APOBR: variants seen among roughly 807,000 people sequenced by gnomAD.
APOBR encodes apoB-48R.
In APOBR, 57 loss-of-function variants were observed where a neutral mutation model predicts 88.5. That is an observed-to-expected ratio of 0.64 (90% CI 0.52 to 0.80). APOBR has a LOEUF of 0.80. Ranked by LOEUF, APOBR falls within the 30% of genes least tolerant of loss-of-function variation. APOBR has a pLI of 0.00. For missense variants in APOBR, 1,443 were observed against 1,401.6 expected (o/e 1.03, Z -0.47); for synonymous variants, 588 against 572.7 (o/e 1.03, Z -0.38).
Position 28,498,530 on chromosome 16 carries a change from A to G in APOBR, c.*25A>G, listed in dbSNP as rs777755203. On this transcript the variant is annotated 3_prime_UTR_variant, in exon 4 of 4. Transcript: ENST00000564831. ...ACTGAGACCCGGTGCTCTGGGAGCC[A>G]GGCCCTGAGTGGGTGCCAGAAGGCT... 5 of 1,569,338 alleles carry G rather than the reference A, an allele frequency of 3.2e-6. No individual in the cohort carries two copies. The highest frequency in any genetic ancestry group is 4.3e-6 in the Non-Finnish European group (5 of 1,158,262).
chr16:28,496,235 G>A lies in APOBR; in HGVS notation c.1194G>A (p.Arg398=). Residue 398 remains arginine (R), a synonymous_variant, in exon 2 of 4, where the codon AGG becomes AGA. Coordinates refer to ENST00000564831, the MANE Select transcript of APOBR (RefSeq NM_018690.4). ...QTEYGAVPGE[R]LLEATGKVWV... ...AATATGGAGCAGTCCCAGGAGAAAGGCTCCTAGAGGCTACTGGAAAAGTCT... is the reference window on the plus strand; with the variant it reads ...AATATGGAGCAGTCCCAGGAGAAAGACTCCTAGAGGCTACTGGAAAAGTCT... 6.2e-7 allele frequency: 1 copy of A among 1,602,210 alleles called. No individual in the cohort carries two copies. Among genetic ancestry groups the A allele is most frequent in the South Asian group, 1.1e-5 (1 of 89,314 alleles).
chr16:28,497,966 C>G lies in APOBR; in HGVS notation c.2925C>G (p.Ala975=), dbSNP rs1190049322. 6.2e-7 allele frequency: 1 copy of G among 1,606,832 alleles called. No homozygotes were observed. Among genetic ancestry groups the G allele is most frequent in the Admixed American group, 1.7e-5 (1 of 59,274 alleles). Residue 975 remains alanine (A), a synonymous_variant, in exon 2 of 4, where the codon GCC becomes GCG. Transcript: ENST00000564831. ...AGACGGCTGAGGCCATGGGCAGTGC[C>G]AGAGGAGGTGCTGCCAACAGCTGGA... is the stretch of plus-strand genomic sequence containing the variant. ...EAETAEAMGS[A]RGGAANSWSE... is the part of the protein sequence containing the mutation.
Position 28,496,040 on chromosome 16 carries a change from A to C in APOBR, c.999A>C (p.Gly333=), listed in dbSNP as rs62034288. The change falls in exon 2 of 4, where the codon GGA becomes GGC. Residue 333 remains glycine, a synonymous_variant. Transcript: ENST00000564831. ...SGGEEAGTAS[G]GEEAGIASGG... is the part of the protein sequence containing the mutation. ...GGGAGGAGGCCGGGACAGCCTCGGG[A>C]GGGGAGGAGGCCGGGATAGCCTCAG... 3.5e-5 allele frequency: 52 copies of C among 1,469,336 alleles called. 1 individual carries two copies. In the African/African-American group the frequency reaches 5.9e-4, roughly 17 times the overall value. The allele number at this position is 1,469,336 out of a possible 1,614,324, so 91.0% of individuals were successfully genotyped here.
In APOBR at chr16:28,496,345, G is replaced by A. The variant is rs2046392881; in HGVS notation, c.1304G>A (p.Arg435Lys). 1 of 1,590,886 alleles carries A rather than the reference G, an allele frequency of 6.3e-7. No homozygotes were observed. The highest frequency in any genetic ancestry group is 1.3e-5 in the African/African-American group (1 of 74,256). Reference protein sequence around the residue: ...PKQPQVLGTERTEEAAESQTA... With the variant: ...PKQPQVLGTEKTEEAAESQTA... ...CAGCCCCAGGTCCTGGGCACTGAAA[G>A]AACAGAAGAGGCTGCTGAGAGCCAG... Residue 435 changes from arginine to lysine, a missense_variant, in exon 2 of 4, where the codon AGA becomes AAA. Arg to Lys is a conservative substitution (Grantham distance 26). Transcript: ENST00000564831.
In APOBR at chr16:28,498,645, T is replaced by G. The variant is rs553609143; in HGVS notation, c.*140T>G. ...CCTCAGTGTCTTGATGTATCATTCA[T>G]GGAGCAGGCAAAACCAGACGTCTGG... On this transcript the variant is annotated 3_prime_UTR_variant, in exon 4 of 4. Transcript: ENST00000564831. 8.0e-6 allele frequency: 8 copies of G among 999,036 alleles called. No homozygotes were observed. Among genetic ancestry groups the G allele is most frequent in the Non-Finnish European group, 8.6e-6 (6 of 694,220 alleles). 61.9% of individuals were successfully genotyped at this position (999,036 alleles called of 1,614,324 possible).
In APOBR at chr16:28,496,442, T is replaced by C; in HGVS notation, c.1401T>C (p.Gly467=). Reference sequence around the variant, plus strand: ...TTGAGGGCCAGGTAGACCTGCGTGGTAAGGAGGCTGAGATGAGGCAGGACT... The same window carrying C: ...TTGAGGGCCAGGTAGACCTGCGTGGCAAGGAGGCTGAGATGAGGCAGGACT... ...ESFEGQVDLR[G]KEAEMRQDLG... Residue 467 remains glycine (G), a synonymous_variant, in exon 2 of 4, where the codon GGT becomes GGC. Coordinates refer to ENST00000564831, the MANE Select transcript of APOBR (RefSeq NM_018690.4). 6.2e-7 allele frequency: 1 copy of C among 1,610,784 alleles called. No homozygotes were observed. Among genetic ancestry groups the C allele is most frequent in the South Asian group, 1.1e-5 (1 of 90,716 alleles).
Position 28,495,117 on chromosome 16 carries a change from G to T in APOBR, c.76G>T (p.Val26Phe). The T allele has an allele frequency of 6.5e-7, 1 of 1,529,256 alleles. No individual in the cohort carries two copies. The allele number at this position is 1,529,256 out of a possible 1,614,324, so 94.7% of individuals were successfully genotyped here. ...RGALDSLGTF[V>F]SYLLGDAVPT... ...TTCCTAGGATTCCCTCGGCACCTTTGTCTCCTACCTCCTGGGAGATGCAGT... is the reference window on the plus strand; with the variant it reads ...TTCCTAGGATTCCCTCGGCACCTTTTTCTCCTACCTCCTGGGAGATGCAGT... Residue 26 changes from valine (V) to phenylalanine (F), a missense_variant, in exon 2 of 4, where the codon GTC becomes TTC. Physicochemically the swap from Val to Phe is conservative, Grantham distance 50 (BLOSUM62 -1). Transcript: ENST00000564831.
chr16:28,495,328 C>A lies in APOBR; in HGVS notation c.287C>A (p.Ala96Asp). The change falls in exon 2 of 4, where the codon GCT becomes GAT. Residue 96 changes from alanine (A) to aspartate (D), a missense_variant. By Grantham distance (126) the Ala-to-Asp change is moderately radical. Coordinates refer to ENST00000564831, the MANE Select transcript of APOBR (RefSeq NM_018690.4). ...DDRRHEVGSS[A>D]VEQTWGWGDG... ...AGAAGACATGAAGTGGGGAGCTCAGCTGTAGAACAGACCTGGGGCTGGGGA... is the reference window on the plus strand; with the variant it reads ...AGAAGACATGAAGTGGGGAGCTCAGATGTAGAACAGACCTGGGGCTGGGGA... 6.4e-7 allele frequency: 1 copy of A among 1,552,606 alleles called. No individual in the cohort carries two copies. The highest frequency in any genetic ancestry group is 8.7e-7 in the Non-Finnish European group (1 of 1,149,496).
chr16:28,497,705 T>C lies in APOBR; in HGVS notation c.2664T>C (p.Ala888=), dbSNP rs1030128018. Residue 888 remains alanine (A), a synonymous_variant, in exon 2 of 4, where the codon GCT becomes GCC. Transcript: ENST00000564831. ...AGTGGACGCTGTTGGAAGAAGAGGC[T>C]GTTGGATGGCAGGAGAGAGAACAGA... ...LEKWTLLEEE[A]VGWQEREQRE... The C allele has an allele frequency of 4.4e-6, 7 of 1,604,014 alleles. No homozygotes were observed. Among genetic ancestry groups the C allele is most frequent in the Non-Finnish European group, 5.1e-6 (6 of 1,175,598 alleles).
At position 28,495,286 on chromosome 16, in the gene APOBR, G is replaced by T; in HGVS notation, c.245G>T (p.Arg82Ile). 4 of 1,530,858 alleles carry T rather than the reference G, an allele frequency of 2.6e-6. No individual in the cohort carries two copies. The highest frequency in any genetic ancestry group is 3.5e-6 in the Non-Finnish European group (4 of 1,139,530). 94.8% of individuals were successfully genotyped at this position (1,530,858 alleles called of 1,614,324 possible). ...CAAAACGAGGGGGCTGGAAGGCTGA[G>T]AGGGCCTGGAGATGACAGAAGACAT... ...GSQNEGAGRL[R>I]GPGDDRRHEV... The change falls in exon 2 of 4, where the codon AGA becomes ATA. Residue 82 changes from arginine to isoleucine, a missense_variant. Physicochemically the swap from Arg to Ile is moderately conservative, Grantham distance 97. Transcript: ENST00000564831.
rs1204869189 is a variant in APOBR at position 28,497,001 on chromosome 16, G to A, written c.1960G>A (p.Gly654Arg). 9 of 1,571,128 alleles carry A rather than the reference G, an allele frequency of 5.7e-6. No individual in the cohort carries two copies. The highest frequency in any genetic ancestry group is 2.7e-5 in the African/African-American group (2 of 73,936). Residue 654 changes from glycine (G) to arginine (R), a missense_variant, in exon 2 of 4, where the codon GGA (glycine) becomes AGA (arginine). Gly to Arg is a moderately radical substitution (Grantham distance 125). Coordinates refer to ENST00000564831, the MANE Select transcript of APOBR (RefSeq NM_018690.4). Reference sequence around the variant, plus strand: ...GCAGCGGGAGGAGGAGGAGACTGCGGGAGGCCAGACCCTGGCGGCTGAGGC... The same window carrying A: ...GCAGCGGGAGGAGGAGGAGACTGCGAGAGGCCAGACCCTGGCGGCTGAGGC... Reference protein sequence around the residue: ...GEQREEEETAGGQTLAAEAEG... With the variant: ...GEQREEEETARGQTLAAEAEG...
In APOBR at chr16:28,497,796, G is replaced by GCAGA. The variant is rs2046405273; in HGVS notation, c.2756_2759dup (p.Glu920AspfsTer18). 1 of 1,605,356 alleles carries GCAGA rather than the reference G, an allele frequency of 6.2e-7. No homozygotes were observed. The highest frequency in any genetic ancestry group is 1.1e-5 in the South Asian group (1 of 89,820). Reference sequence around the variant, plus strand: ...GGGAGAGGCACCAAGGCTCCTTGATGCAGAGGGTCTCATGGTGACCGGGGG... The same window carrying GCAGA: ...GGGAGAGGCACCAAGGCTCCTTGATGCAGACAGAGGGTCTCATGGTGACCGGGGG... On this transcript the variant is annotated frameshift_variant, in exon 2 of 4. Coordinates refer to ENST00000564831, the MANE Select transcript of APOBR (RefSeq NM_018690.4). LOFTEE classifies it high-confidence loss of function.
rs2046375505 is a variant in APOBR, at chr16:28,494,652, T to A, written c.-30T>A. ...GTGGGTGGGGACGGTCATTATCAGCTTTCTGGACACACAGACAGAGACAGA... is the reference window on the plus strand; with the variant it reads ...GTGGGTGGGGACGGTCATTATCAGCATTCTGGACACACAGACAGAGACAGA... On this transcript the variant is annotated 5_prime_UTR_variant, in exon 1 of 4. Coordinates refer to ENST00000564831, the MANE Select transcript of APOBR (RefSeq NM_018690.4). 1.2e-6 allele frequency: 2 copies of A among 1,602,544 alleles called. No individual in the cohort carries two copies. The highest frequency in any genetic ancestry group is 4.5e-5 in the East Asian group (2 of 44,614).
Position 28,497,817 on chromosome 16 carries a change from G to C in APOBR, c.2776G>C (p.Gly926Arg). ...TGATGCAGAGGGTCTCATGGTGACC[G>C]GGGGCCGGAGGGCAGAGGCCAAGGA... Reference protein sequence around the residue: ...LLDAEGLMVTGGRRAEAKETE... With the variant: ...LLDAEGLMVTRGRRAEAKETE... The change falls in exon 2 of 4, where the codon GGG becomes CGG. Residue 926 changes from glycine (G) to arginine (R), a missense_variant. Gly to Arg is a moderately radical substitution (Grantham distance 125, BLOSUM62 -2). Transcript: ENST00000564831. 6.2e-7 allele frequency: 1 copy of C among 1,606,380 alleles called. No homozygotes were observed. Among genetic ancestry groups the C allele is most frequent in the East Asian group, 2.2e-5 (1 of 44,584 alleles).
chr16:28,495,249 CT>C lies in APOBR; in HGVS notation c.210del (p.Arg71GlufsTer11). On this transcript the variant is annotated frameshift_variant, in exon 2 of 4. Coordinates refer to ENST00000564831, the MANE Select transcript of APOBR (RefSeq NM_018690.4). LOFTEE classifies it high-confidence loss of function. ...GGAAGCCCAGGAGGACCTGGAGGGC[CT>C]TAGAGGCAGCCAAAACGAGGGGGCT... Reference protein sequence around the residue: ...EEEAQEDLEGLRGSQNEGAGR... With the variant: ...EEEAQEDLEGXRGSQNEGAGR... 1 of 1,533,294 alleles carries C rather than the reference CT, an allele frequency of 6.5e-7. No homozygotes were observed. 95.0% of individuals were successfully genotyped at this position (1,533,294 alleles called of 1,614,324 possible).
Position 28,498,636 on chromosome 16 carries a change from T to TTC in APOBR, c.*131_*132insTC. 1 of 1,078,408 alleles carries TTC rather than the reference T, an allele frequency of 9.3e-7. No individual in the cohort carries two copies. The highest frequency in any genetic ancestry group is 2.6e-5 in the East Asian group (1 of 38,198). The allele number at this position is 1,078,408 out of a possible 1,614,324, so 66.8% of individuals were successfully genotyped here. A position where few individuals can be genotyped will look rare whatever the true frequency, so the allele number is the denominator to read the frequency against. On this transcript the variant is annotated 3_prime_UTR_variant, in exon 4 of 4. Transcript: ENST00000564831. Reference sequence around the variant, plus strand: ...CCCTCTGGGCCTCAGTGTCTTGATGTATCATTCATGGAGCAGGCAAAACCA... The same window carrying TTC: ...CCCTCTGGGCCTCAGTGTCTTGATGTTCATCATTCATGGAGCAGGCAAAACCA...
Position 28,497,517 on chromosome 16 carries a change from G to C in APOBR, c.2476G>C (p.Val826Leu). The change falls in exon 2 of 4, where the codon GTA becomes CTA. Residue 826 changes from valine (V) to leucine (L), a missense_variant. By Grantham distance (32) the Val-to-Leu change is conservative. Transcript: ENST00000564831. The stretch of plus-strand genomic sequence containing the variant: ...AGAGGTGACTGGCAGAGGCAGCCAA[G>C]TAGAGGCTTTTGAGTCCAGGGAGGG... ...EEEVTGRGSQ[V>L]EAFESREGGP... is the part of the protein sequence containing the mutation. 6.2e-7 allele frequency: 1 copy of C among 1,612,350 alleles called. No homozygotes were observed. Among genetic ancestry groups the C allele is most frequent in the South Asian group, 1.1e-5 (1 of 90,898 alleles).
At chr16:28,494,877 A>C in intron 1 of APOBR, 139 bp downstream of exon 1, 1 of 945,034 alleles carries the variant, frequency 1.1e-6, no homozygotes. Flanking sequence ...AGGTTCAGGC[A>C]GACTCCTGGC....
rs759032992 is a variant in APOBR at position 28,497,132 on chromosome 16, C to T, written c.2091C>T (p.Val697=). Reference sequence around the variant, plus strand: ...GAACTGAGGAGGGAGAGGCATCTGTCTCAGAGAACCAGGAGCTGGACGGAA... The same window carrying T: ...GAACTGAGGAGGGAGAGGCATCTGTTTCAGAGAACCAGGAGCTGGACGGAA... The part of the protein sequence containing the change: ...GCGTEEGEAS[V]SENQELDGST... The change falls in exon 2 of 4, where the codon GTC becomes GTT. Residue 697 remains valine, a synonymous_variant. Coordinates refer to ENST00000564831, the MANE Select transcript of APOBR (RefSeq NM_018690.4). 4.4e-6 allele frequency: 7 copies of T among 1,606,282 alleles called. No homozygotes were observed. Among genetic ancestry groups the T allele is most frequent in the Middle Eastern group, 1.6e-4 (1 of 6,074 alleles).
Sources: allele counts gnomAD v4.1 joint callset, GRCh38; gene constraint gnomAD v4.1.1; transcripts MANE v1.5; gene names NCBI Gene and HGNC (gene_info 2026-07-23, HGNC 2026-07-21).